Variants in GPD1L observed in about 807,000 individuals in gnomAD.
The protein encoded by GPD1L is glycerol-3-phosphate dehydrogenase 1 like.
A neutral mutation model predicts 32.9 loss-of-function variants in GPD1L; 17 were observed. The ratio of observed to expected loss-of-function variants is 0.52; its 90% CI spans 0.35 to 0.78. The LOEUF is 0.78. Among genes scored for constraint, GPD1L ranks in the 30% least tolerant of loss-of-function variants. The pLI is 0.01. For missense variants in GPD1L, 361 were observed against 447.8 expected, an observed-to-expected ratio of 0.81 and a Z score of 1.75; for synonymous variants, 187 against 165.9, an observed-to-expected ratio of 1.13 and a Z score of -0.98.
In GPD1L at chr3:32,159,783, C is replaced by T. The variant is rs1246334600; in HGVS notation, c.959+109C>T. 4 of 748,706 alleles carry T rather than the reference C, an allele frequency of 5.3e-6. No homozygotes were observed. The East Asian group carries it at 1.0e-4, about 20-fold the overall frequency. The allele number at this position is 748,706 out of a possible 1,614,324, so 46.4% of individuals were successfully genotyped here. On this transcript the variant is annotated intron_variant, in intron 7 of 7. Coordinates refer to ENST00000282541, the MANE Select transcript of GPD1L (RefSeq NM_015141.4). Reference sequence around the variant, plus strand: ...GACTATTTGACAAGTGCCCTTAGAACTTATCTGGATTAGTTCAGTCCTTTG... The same window carrying T: ...GACTATTTGACAAGTGCCCTTAGAATTTATCTGGATTAGTTCAGTCCTTTG...
chr3:32,140,125 A>G, intron 3 of GPD1L, 103 bp from the exon 4 acceptor site: 2 of 1,163,864 alleles, frequency 1.7e-6, no homozygotes, highest in Non-Finnish European at 2.6e-6. Flanking sequence ...TACTCTTGTA[A>G]GTAGGAGACA....
At chr3:32,149,719 G>T (rs555846511) in intron 5 of GPD1L, among the ~76,000 whole-genome samples, 1 of 152,284 alleles carries the variant, frequency 6.6e-6, no homozygotes, top group East Asian at 1.9e-4. Context: ...AGGCCAAGGC[G>T]GGTGGATCAC....
At chr3:32,125,112 G>A (rs1700488043) in intron 1 of GPD1L, among the ~76,000 whole-genome samples, 1 of 152,114 alleles carries the variant, frequency 6.6e-6, no homozygotes, top group Admixed American at 6.5e-5. Context: ...CTCTCCATAT[G>A]TGAATTTAAT....
chr3:32,139,121 C>T (rs2125485559), intron 3 of GPD1L, among the ~76,000 whole-genome samples: 1 of 152,240 alleles, frequency 6.6e-6, no homozygotes, highest in African/African-American at 2.4e-5. Flanking sequence ...TCTGAAGGTC[C>T]ACAGGTTGAA....
At chr3:32,143,803 G>A (rs1032371910) in intron 4 of GPD1L, among the ~76,000 whole-genome samples, 1 of 152,110 alleles carries the variant, frequency 6.6e-6, no homozygotes, top group Non-Finnish European at 1.5e-5. Flanking sequence ...CATGACAAGC[G>A]AAACCTCATC....
chr3:32,115,780 TTTTTTTTTTTTTTTTTTTTTTTTTTTG>T (rs1454944849), intron 1 of GPD1L, among the ~76,000 whole-genome samples: 1 of 83,476 alleles, frequency 1.2e-5, no homozygotes, highest in Admixed American at 1.2e-4. Flanking sequence ...TTTTTTTTTT[TTTTTTTTTTTTTTTTTTTTTTTTTTTG>T]AGACGGAGTC....
chr3:32,152,508 A>G (rs1700932448), intron 5 of GPD1L, among the ~76,000 whole-genome samples: 1 of 152,180 alleles, frequency 6.6e-6, no homozygotes, highest in Admixed American at 6.5e-5. Context: ...GGCACCTTGA[A>G]TGCTGCCGGA....
At chr3:32,146,813 T>A (rs1301098172) in intron 5 of GPD1L, 79 bp downstream of exon 5, 1 of 826,588 alleles carries the variant, frequency 1.2e-6, no homozygotes, top group Non-Finnish European at 2.1e-6. Context: ...AAGAATGGGC[T>A]CTGTGTTCTG....
chr3:32,106,684 G>A lies in GPD1L; in HGVS notation c.-28G>A. ...GGTGGGCAGCCGGCCAGGGAAGCAC[G>A]GTCCAGGCGGCTACATTCGGCCCGG... is the stretch of plus-strand genomic sequence containing the variant. On this transcript the variant is annotated 5_prime_UTR_variant, in exon 1 of 8. Coordinates refer to ENST00000282541, the MANE Select transcript of GPD1L (RefSeq NM_015141.4). This position sits in a 1 kb window ranked among gnomAD's most constrained non-coding sequence, Gnocchi z 4.0. 3 of 1,519,050 alleles carry A rather than the reference G, an allele frequency of 2.0e-6. No individual in the cohort carries two copies. The highest frequency in any genetic ancestry group is 4.0e-5 in the Admixed American group (2 of 50,164). 94.1% of individuals were successfully genotyped at this position (1,519,050 alleles called of 1,614,324 possible).
In GPD1L at chr3:32,121,551, A is replaced by C. The variant is rs111318225; in HGVS notation, c.48-6525A>C. On this transcript the variant is annotated intron_variant, in intron 1 of 7. Transcript: ENST00000282541. ...TATATTTCTATGTATATATTTCTAT[A>C]TATATATTTCTATGTATATATTTCT... Among the ~76,000 whole-genome samples, 5 of 111,370 alleles carry C rather than the reference A, an allele frequency of 4.5e-5. 1 individual carries two copies. The highest frequency in any genetic ancestry group is 1.5e-4 in the African/African-American group (4 of 27,308). 73.1% of individuals were successfully genotyped at this position (111,370 alleles called of 152,430 possible).
At chr3:32,116,383 A>G (rs192446788) in intron 1 of GPD1L, among the ~76,000 whole-genome samples, 12 of 152,334 alleles carry the variant, frequency 7.9e-5, no homozygotes, top group African/African-American at 2.9e-4. Context: ...TAAACAACAA[A>G]TCTTATGGTA....
chr3:32,131,792 A>G (rs1559574388), intron 2 of GPD1L, among the ~76,000 whole-genome samples: 1 of 152,228 alleles, frequency 6.6e-6, no homozygotes, highest in Non-Finnish European at 1.5e-5. Flanking sequence ...GAGTAGAGTT[A>G]ACTTTTTGAG....
At position 32,138,566 on chromosome 3, in the gene GPD1L, TTCTC is replaced by T; in HGVS notation, c.226-19_226-16del. On this transcript the variant is annotated splice_polypyrimidine_tract_variant and intron_variant, in intron 2 of 7. Transcript: ENST00000282541. ...GTTTGATATAAGAGGAGAAACGGTC[TTCTC>T]TGCCTTTTGGTTGCAGGTTGCCATG... 6.2e-7 allele frequency: 1 copy of T among 1,613,486 alleles called. No homozygotes were observed. The highest frequency in any genetic ancestry group is 1.1e-5 in the South Asian group (1 of 91,046).
At chr3:32,127,240 A>G (rs560968474) in intron 1 of GPD1L, among the ~76,000 whole-genome samples, 1 of 152,202 alleles carries the variant, frequency 6.6e-6, no homozygotes, top group South Asian at 2.1e-4. Context: ...GCGTTCTCTC[A>G]TTTGCTCCTC....
intron 2 of GPD1L, among the ~76,000 whole-genome samples, chr3:32,129,418 G>A (rs938609398): frequency 2.6e-5 from 4 of 152,200 alleles, no homozygotes; most frequent in African/African-American, 9.6e-5. Flanking sequence ...TTAGTGTCAA[G>A]CACTGTGCTA....
At chr3:32,107,992 T>G (rs1244703829) in intron 1 of GPD1L, among the ~76,000 whole-genome samples, 1 of 152,208 alleles carries the variant, frequency 6.6e-6, no homozygotes, top group Non-Finnish European at 1.5e-5. Context: ...CAAGCGATTC[T>G]TGTGCCTCAT....
chr3:32,143,465 A>G (rs1037778383), intron 4 of GPD1L, among the ~76,000 whole-genome samples: 1 of 152,184 alleles, frequency 6.6e-6, no homozygotes, highest in Non-Finnish European at 1.5e-5. Flanking sequence ...CAACAGGCCA[A>G]TGGTATCTTT....
intron 5 of GPD1L, among the ~76,000 whole-genome samples, chr3:32,152,180 T>C (rs1187561087): frequency 6.6e-6 from 1 of 152,216 alleles, no homozygotes; most frequent in Non-Finnish European, 1.5e-5. Context: ...GTCTCAGATT[T>C]TGGAGCATTT....
chr3:32,159,466 A>G (rs1343955564), intron 6 of GPD1L, 102 bp from the exon 7 acceptor site: 1 of 221,618 alleles, frequency 4.5e-6, no homozygotes, highest in East Asian at 6.1e-5. Context: ...CCCATTCTCT[A>G]AAAAAAAAAA....
Sources: gnomAD v4.1 joint callset for allele counts (sites outside exome capture counted in the v4.1 genomes callset) on GRCh38, gnomAD v4.1.1 for gene constraint, Gnocchi (gnomAD v3.1) non-coding constraint, MANE v1.5 for transcripts, NCBI Gene and HGNC (gene_info 2026-07-23, HGNC 2026-07-21) for gene names.